CNTLN: variants seen among roughly 807,000 people sequenced by gnomAD.
CNTLN encodes centlein.
A neutral mutation model predicts 180.0 loss-of-function variants in CNTLN; 212 were observed. The observed-to-expected ratio is 1.18, with a 90% CI of 1.05 to 1.32. CNTLN has a LOEUF of 1.32. Ranked by LOEUF, CNTLN falls within the 40% of genes most tolerant of loss-of-function variation. CNTLN has a pLI of 0.00. For synonymous variants in CNTLN, 722 were observed against 563.1 expected (o/e 1.28, Z -3.99); for missense variants, 2,095 against 1,610.9 (o/e 1.30, Z -5.14).
At chr9:17,506,636 A>G (rs1833936982), downstream of CNTLN, among the ~76,000 whole-genome samples, 1 of 152,152 alleles carries the variant, frequency 6.6e-6, no homozygotes, top group South Asian at 2.1e-4. Context: ...AGTAGCAAAA[A>G]TGACCTTTGG....
At chr9:17,158,954 C>T (rs1293000695) in intron 2 of CNTLN, among the ~76,000 whole-genome samples, 1 of 151,988 alleles carries the variant, frequency 6.6e-6, no homozygotes, top group Non-Finnish European at 1.5e-5. Flanking sequence ...GACTTTTCCA[C>T]TTCCTTGATA....
At chr9:17,200,866 A>G (rs942417007) in intron 2 of CNTLN, among the ~76,000 whole-genome samples, 1 of 152,168 alleles carries the variant, frequency 6.6e-6, no homozygotes, top group Admixed American at 6.5e-5. Flanking sequence ...TTCCAATACT[A>G]TGATAAATTG....
intron 7 of CNTLN, chr9:17,301,384 T>C (rs1399892452): frequency 1.0e-6 from 1 of 985,252 alleles, no homozygotes; most frequent in Non-Finnish European, 1.2e-6. Context: ...TATGTTGTGT[T>C]TGTGAATGAT....
intron 5 of CNTLN, among the ~76,000 whole-genome samples, chr9:17,243,481 C>G (rs1825617220): frequency 1.3e-5 from 2 of 152,156 alleles, no homozygotes; most frequent in African/African-American, 4.8e-5. Flanking sequence ...ACTACTTTCA[C>G]TGTAGCCCAT....
chr9:17,502,410 G>A, intron 25 of CNTLN, 141 bp from the exon 26 acceptor site: 1 of 463,620 alleles, frequency 2.2e-6, no homozygotes, highest in Non-Finnish European at 3.9e-6. Context: ...AGCAAGATCA[G>A]TAGAAAAGAG....
At chr9:17,274,732 T>C (rs921404280) in intron 6 of CNTLN, among the ~76,000 whole-genome samples, 3 of 152,070 alleles carry the variant, frequency 2.0e-5, no homozygotes, top group African/African-American at 7.2e-5. Flanking sequence ...ACACATTGGG[T>C]GGAGTTCTTT....
intron 12 of CNTLN, among the ~76,000 whole-genome samples, chr9:17,359,857 G>C (rs942290983): frequency 6.6e-6 from 1 of 150,658 alleles, no homozygotes; most frequent in Admixed American, 6.6e-5. Flanking sequence ...CCGAGATCTT[G>C]CCACTGCACT....
intron 8 of CNTLN, among the ~76,000 whole-genome samples, chr9:17,322,094 G>C (rs1264966118): frequency 6.6e-6 from 1 of 151,930 alleles, no homozygotes; most frequent in Admixed American, 6.6e-5. Context: ...TTTGTTGCTT[G>C]ATTTAATTAT....
In CNTLN at chr9:17,184,069, C is replaced by T. The variant is rs112481862; in HGVS notation, c.449+40693C>T. On this transcript the variant is annotated intron_variant, in intron 2 of 25. Transcript: ENST00000380647. The stretch of plus-strand genomic sequence containing the variant: ...CTGATTTATGATAGCATATGAGAAG[C>T]AACGAATAATCTGAAATGTTCATCC... Among the ~76,000 whole-genome samples, 835 of 152,124 alleles carry T rather than the reference C, an allele frequency of 5.5e-3. 5 individuals are homozygous for T. The highest frequency in any genetic ancestry group is 0.019 in the African/African-American group (773 of 41,530).
intron 19 of CNTLN, 60 bp downstream of exon 19, chr9:17,457,775 A>G (rs1831217823): frequency 9.6e-7 from 1 of 1,037,760 alleles, no homozygotes; most frequent in Admixed American, 3.5e-5. Context: ...TGCAAGACAT[A>G]TTTATATGAA....
At chr9:17,440,481 C>A (rs369915396) in intron 18 of CNTLN, among the ~76,000 whole-genome samples, 1 of 148,736 alleles carries the variant, frequency 6.7e-6, no homozygotes, top group African/African-American at 2.5e-5. Flanking sequence ...CCCAGCTATT[C>A]GAGAGGCTGA....
chr9:17,155,919 C>G (rs776433654), intron 2 of CNTLN, among the ~76,000 whole-genome samples: 3 of 152,172 alleles, frequency 2.0e-5, no homozygotes, highest in South Asian at 4.1e-4. Context: ...GACCGTGGGA[C>G]AAGCACAGTA....
rs1823172134 is a variant in CNTLN, at chr9:17,359,730, A to AAAAAAAAAAAAAACC, written c.1887-6874_1887-6873insCCAAAAAAAAAAAAA. ...CTCCGTCTATACTAAAAATACAAAA[A>AAAAAAAAAAAAAACC]AAAAAAAAAAAAAAAAAAAACTAGC... On this transcript the variant is annotated intron_variant, in intron 12 of 25. Transcript: ENST00000380647. Among the ~76,000 whole-genome samples the AAAAAAAAAAAAAACC allele has an allele frequency of 4.0e-5, 4 of 99,932 alleles. No individual in the cohort carries two copies. In the South Asian group the frequency reaches 1.1e-3, roughly 28 times the overall value. 65.6% of individuals were successfully genotyped at this position (99,932 alleles called of 152,430 possible).
chr9:17,446,830 A>T (rs1289131674), intron 18 of CNTLN, among the ~76,000 whole-genome samples: 1 of 152,196 alleles, frequency 6.6e-6, no homozygotes, highest in Non-Finnish European at 1.5e-5. Context: ...AGCACACCAC[A>T]AGGACAAGAA....
At chr9:17,389,494 A>G (rs920048495) in intron 14 of CNTLN, among the ~76,000 whole-genome samples, 1 of 152,156 alleles carries the variant, frequency 6.6e-6, no homozygotes, top group African/African-American at 2.4e-5. Flanking sequence ...AATGAATGCT[A>G]CAATAGTAGA....
chr9:17,240,017 T>C (rs1262667642), intron 5 of CNTLN, among the ~76,000 whole-genome samples: 1 of 152,168 alleles, frequency 6.6e-6, no homozygotes, highest in East Asian at 1.9e-4. Flanking sequence ...GAGAGTTTAA[T>C]AGAGATTGCC....
At chr9:17,196,792 G>A (rs921906784) in intron 2 of CNTLN, among the ~76,000 whole-genome samples, 1 of 151,940 alleles carries the variant, frequency 6.6e-6, no homozygotes, top group Non-Finnish European at 1.5e-5. Flanking sequence ...GGCATACAAT[G>A]CATAATGATC....
At chr9:17,140,616 T>G (rs1818023353) in intron 1 of CNTLN, among the ~76,000 whole-genome samples, 1 of 152,052 alleles carries the variant, frequency 6.6e-6, no homozygotes, top group South Asian at 2.1e-4. Context: ...AATTTTTAAG[T>G]TTTTTGTGGC....
chr9:17,197,073 C>T (rs1170991099), intron 2 of CNTLN, among the ~76,000 whole-genome samples: 1 of 152,036 alleles, frequency 6.6e-6, no homozygotes, highest in East Asian at 1.9e-4. Flanking sequence ...TTTAGCTCCC[C>T]TAAATATGTG....
Sources: allele counts gnomAD v4.1 joint callset (sites outside exome capture counted in the v4.1 genomes callset), GRCh38; gene constraint gnomAD v4.1.1; transcripts MANE v1.5; gene names NCBI Gene and HGNC (gene_info 2026-07-23, HGNC 2026-07-21).